The following PSPH variants were observed in gnomAD, a reference collection of about 807,000 sequenced individuals.
The protein encoded by PSPH is phosphoserine phosphatase.
Under a neutral mutation model 23.4 loss-of-function variants are expected in PSPH, and 16 were observed. The observed-to-expected ratio is 0.68, with a 90% confidence interval of 0.46 to 1.04. The LOEUF (loss-of-function observed/expected upper bound fraction) is 1.04, where lower values mean the gene tolerates loss of function less well. PSPH is among the 50% of genes least tolerant of loss of function. PSPH has a pLI of 0.00. For synonymous variants in PSPH, 68 were observed against 99.7 expected, an observed-to-expected ratio of 0.68 and a Z score of 1.89; for missense variants, 223 against 273.7, an observed-to-expected ratio of 0.81 and a Z score of 1.31.
intron 1 of PSPH, among the ~76,000 whole-genome samples, chr7:56,037,856 G>A (rs1356634403): frequency 6.6e-6 from 1 of 151,502 alleles, no homozygotes; most frequent in Admixed American, 6.6e-5. Context: ...GGGATTACAA[G>A]CATGCACCAC....
Position 56,015,018 on chromosome 7 carries a change from C to T in PSPH, c.570+5G>A. 6.2e-7 allele frequency: 1 copy of T among 1,613,506 alleles called. No individual in the cohort carries two copies. The highest frequency in any genetic ancestry group is 8.5e-7 in the Non-Finnish European group (1 of 1,179,678). ...TGAAAAAAAATTAGCACCCTTAATA[C>T]ATACAGCAGGAGGACAGGCTTCCAT... On this transcript the variant is annotated splice_donor_5th_base_variant and intron_variant, in intron 7 of 7. Coordinates refer to ENST00000275605, the MANE Select transcript of PSPH (RefSeq NM_004577.4).
At chr7:56,030,163 G>C (rs750381514) in intron 3 of PSPH, among the ~76,000 whole-genome samples, 1 of 152,004 alleles carries the variant, frequency 6.6e-6, no homozygotes, top group African/African-American at 2.4e-5. Context: ...AGGCCGGAGT[G>C]CAGTGGTATG....
intron 7 of PSPH, among the ~76,000 whole-genome samples, chr7:56,013,109 A>G (rs1478972220): frequency 3.3e-5 from 5 of 149,692 alleles, no homozygotes; most frequent in Non-Finnish European, 5.9e-5. Flanking sequence ...ATATGTGTGT[A>G]TATATTTATA....
In PSPH at chr7:56,015,114, T is replaced by C. The variant is rs2116514675; in HGVS notation, c.479A>G (p.Lys160Arg). 4 of 1,614,090 alleles carry C rather than the reference T, an allele frequency of 2.5e-6. No individual in the cohort carries two copies. The highest frequency in any genetic ancestry group is 3.4e-6 in the Non-Finnish European group (4 of 1,180,010). The change falls in exon 7 of 8, where the codon AAA becomes AGA. Residue 160 changes from lysine (K) to arginine (R), a missense_variant. Physicochemically the swap from Lys to Arg is conservative, Grantham distance 26. Coordinates refer to ENST00000275605, the MANE Select transcript of PSPH (RefSeq NM_004577.4). ...TTTTTCCTTTAAAAGTTTAATCACT[T>C]TTCCTTTTCCACCAGATTCAGCTGT... ...QPTAESGGKG[K>R]VIKLLKEKFH...
chr7:56,024,093 A>G (rs1228446850), intron 3 of PSPH, among the ~76,000 whole-genome samples: 1 of 149,722 alleles, frequency 6.7e-6, no homozygotes, highest in Non-Finnish European at 1.5e-5. Context: ...ACGCCCGGCT[A>G]ATTTTTTGTA....
chr7:56,021,611 T>TG lies in PSPH; in HGVS notation c.-19-381_-19-380insC, dbSNP rs1408336650. On this transcript the variant is annotated intron_variant, in intron 3 of 7. Transcript: ENST00000275605. ...TTCTTTTAGATATATATATAGTTGT[T>TG]TTTTTTTTTTCTACCTAATTGTAGT... Among the ~76,000 whole-genome samples, 10 of 149,638 alleles carry TG rather than the reference T, an allele frequency of 6.7e-5. No individual in the cohort carries two copies. The East Asian group carries it at 1.6e-3, about 23-fold the overall frequency.
At position 56,050,181 on chromosome 7, in the gene PSPH, C is replaced by G. The variant is rs553415699; in HGVS notation, c.-292+957G>C. ...GTGATTCTCAAATACACAAACCCACCTAAGAGCATCATATACCCAGATATT... is the reference window on the plus strand; with the variant it reads ...GTGATTCTCAAATACACAAACCCACGTAAGAGCATCATATACCCAGATATT... On this transcript the variant is annotated intron_variant, in intron 1 of 7. Coordinates refer to ENST00000275605, the MANE Select transcript of PSPH (RefSeq NM_004577.4). Among the ~76,000 whole-genome samples the G allele has an allele frequency of 5.9e-5, 9 of 152,276 alleles. No individual in the cohort carries two copies. In the South Asian group the frequency reaches 1.9e-3, roughly 32 times the overall value.
rs558013842 is a variant in PSPH at position 56,028,714 on chromosome 7, T to C, written c.-20+3215A>G. On this transcript the variant is annotated intron_variant, in intron 3 of 7. Coordinates refer to ENST00000275605, the MANE Select transcript of PSPH (RefSeq NM_004577.4). ...GAGTATCAACTCCCTCCCTGCTTGA[T>C]TGGGCAGCAGAGCAAACTCGGCCAC... Among the ~76,000 whole-genome samples the C allele has an allele frequency of 2.6e-5, 4 of 152,206 alleles. No individual in the cohort carries two copies. The East Asian group carries it at 7.7e-4, about 29-fold the overall frequency.
intron 1 of PSPH, among the ~76,000 whole-genome samples, chr7:56,034,396 A>G (rs1231081970): frequency 1.3e-5 from 2 of 152,214 alleles, no homozygotes; most frequent in Non-Finnish European, 2.9e-5. Context: ...GAGGGAAGCA[A>G]GGGACTGCTG....
intron 5 of PSPH, among the ~76,000 whole-genome samples, chr7:56,018,024 TA>T (rs1261941558): frequency 6.6e-6 from 1 of 151,650 alleles, no homozygotes; most frequent in Non-Finnish European, 1.5e-5. Flanking sequence ...TGCCCAGCCT[TA>T]TATGTTTTTC....
chr7:56,020,985 C>T (rs528671529), intron 4 of PSPH, 88 bp downstream of exon 4: 499 of 1,489,650 alleles, frequency 3.3e-4, no homozygotes, highest in Non-Finnish European at 4.3e-4. Context: ...TGCAAATGTT[C>T]CATAGCCAGG....
At position 56,017,209 on chromosome 7, in the gene PSPH, G is replaced by A. The variant is rs1466405278; in HGVS notation, c.421+25C>T. ...TGAACAATGGAACTGCTAAGAAAGGGAACATGTTACTGTTAACATCTTACC... is the reference window on the plus strand; with the variant it reads ...TGAACAATGGAACTGCTAAGAAAGGAAACATGTTACTGTTAACATCTTACC... On this transcript the variant is annotated intron_variant, in intron 6 of 7. Coordinates refer to ENST00000275605, the MANE Select transcript of PSPH (RefSeq NM_004577.4). 5 of 1,613,468 alleles carry A rather than the reference G, an allele frequency of 3.1e-6. No homozygotes were observed. The East Asian group carries it at 1.1e-4, about 36-fold the overall frequency.
At chr7:56,016,436 C>T (rs1788574823) in intron 6 of PSPH, among the ~76,000 whole-genome samples, 1 of 149,052 alleles carries the variant, frequency 6.7e-6, no homozygotes, top group Non-Finnish European at 1.5e-5. Context: ...CACTATCAGT[C>T]ACTCCTTGAT....
intron 1 of PSPH, among the ~76,000 whole-genome samples, chr7:56,045,392 G>C (rs192754749): frequency 6.6e-6 from 1 of 152,152 alleles, no homozygotes; most frequent in Admixed American, 6.6e-5. Flanking sequence ...GAGCCCAGAA[G>C]GTCGAGGTTG....
chr7:56,045,648 G>A (rs1178516739), intron 1 of PSPH, among the ~76,000 whole-genome samples: 1 of 151,994 alleles, frequency 6.6e-6, no homozygotes, highest in African/African-American at 2.4e-5. Flanking sequence ...AGGACTTTGG[G>A]AGGCCGAGGC....
chr7:56,011,203 C>A lies in PSPH; in HGVS notation c.*559G>T, dbSNP rs965014322. The A allele has an allele frequency of 6.5e-6, 1 of 152,692 alleles. No homozygotes were observed. The highest frequency in any genetic ancestry group is 1.5e-5 in the Non-Finnish European group (1 of 68,130). 9.5% of individuals were successfully genotyped at this position (152,692 alleles called of 1,614,324 possible). On this transcript the variant is annotated 3_prime_UTR_variant, in exon 8 of 8. Coordinates refer to ENST00000275605, the MANE Select transcript of PSPH (RefSeq NM_004577.4). ...AAGCACTTTGTATGAAATATAGCTACAAATATACATAAAGAATTCAGATCA... is the reference window on the plus strand; with the variant it reads ...AAGCACTTTGTATGAAATATAGCTAAAAATATACATAAAGAATTCAGATCA...
At chr7:56,022,903 C>T (rs1483404998) in intron 3 of PSPH, among the ~76,000 whole-genome samples, 1 of 152,052 alleles carries the variant, frequency 6.6e-6, no homozygotes, top group African/African-American at 2.4e-5. Flanking sequence ...TACTAAAAAA[C>T]TAAAAATTAG....
intron 2 of PSPH, among the ~76,000 whole-genome samples, chr7:56,032,461 T>TC (rs1417980812): frequency 6.8e-6 from 1 of 146,316 alleles, no homozygotes; most frequent in African/African-American, 2.6e-5. Flanking sequence ...ATCAGGACCA[T>TC]CCTGGCTAAC....
rs34436132 is a variant in PSPH at position 56,042,218 on chromosome 7, C to CAA, written c.-291-8114_-291-8113dup. Among the ~76,000 whole-genome samples the CAA allele has an allele frequency of 6.0e-3, 400 of 66,340 alleles. 7 individuals carry two copies. Among genetic ancestry groups the CAA allele is most frequent in the South Asian group, 0.056 (112 of 1,996 alleles). 43.5% of individuals were successfully genotyped at this position (66,340 alleles called of 152,430 possible). A position where few individuals can be genotyped will look rare whatever the true frequency, so the allele number is the denominator to read the frequency against. The stretch of plus-strand genomic sequence containing the variant: ...TGGGCGACAGAGCGAGATTCTGTCT[C>CAA]AAAAAAAAAAAAAAAAAAATCTGTC... On this transcript the variant is annotated intron_variant, in intron 1 of 7. Transcript: ENST00000275605.
Sources: gnomAD v4.1 joint callset for allele counts (sites outside exome capture counted in the v4.1 genomes callset) on GRCh38, gnomAD v4.1.1 for gene constraint, MANE v1.5 for transcripts, NCBI Gene and HGNC (gene_info 2026-07-23, HGNC 2026-07-21) for gene names.